The following GIGYF2 variants were observed in gnomAD, a reference collection of about 807,000 sequenced individuals.
The protein encoded by GIGYF2 is GRB10 interacting GYF protein 2, also known as GRB10-interacting GYF protein 2.
A neutral mutation model predicts 208.1 loss-of-function variants in GIGYF2; 25 were observed. The observed-to-expected ratio is 0.12, with a 90% CI of 0.09 to 0.17. GIGYF2 has a LOEUF of 0.17. Ranked by LOEUF, GIGYF2 falls within the 10% of genes least tolerant of loss-of-function variation. The pLI, the probability that GIGYF2 is intolerant of heterozygous loss-of-function variation, is 1.00. For missense variants in GIGYF2, 1,302 were observed against 1,579.4 expected (o/e 0.82, Z 2.98); for synonymous variants, 534 against 543.8 (o/e 0.98, Z 0.25).
At chr2:232,714,566 A>G (rs892040044) in intron 2 of GIGYF2, among the ~76,000 whole-genome samples, 1 of 152,180 alleles carries the variant, frequency 6.6e-6, no homozygotes, top group African/African-American at 2.4e-5. Context: ...TTTTAAGTAT[A>G]CTCATTAAGT....
intron 8 of GIGYF2, among the ~76,000 whole-genome samples, chr2:232,774,008 A>C (rs918626577): frequency 2.0e-5 from 3 of 151,646 alleles, no homozygotes; most frequent in Non-Finnish European, 4.4e-5. Context: ...GGAACCAGGC[A>C]TGGTGACTCA....
Position 232,812,416 on chromosome 2 carries a change from T to C in GIGYF2, c.2032T>C (p.Ser678Pro). The part of the protein sequence containing the change: ...MRISDQNIIP[S>P]VTRSVSVPDT... ...AATATCTGATCAGAACATCATTCCC[T>C]CAGTAACTAGGTCTGTGTCCGTGCC... Residue 678 changes from serine to proline, a missense_variant, in exon 18 of 29, where the codon TCA becomes CCA. By Grantham distance (74) the Ser-to-Pro change is moderately conservative. Transcript: ENST00000373563. The C allele has an allele frequency of 6.7e-7, 1 of 1,492,534 alleles. No individual in the cohort carries two copies. The highest frequency in any genetic ancestry group is 9.4e-7 in the Non-Finnish European group (1 of 1,069,500). The allele number at this position is 1,492,534 out of a possible 1,614,324, so 92.5% of individuals were successfully genotyped here. A position where few individuals can be genotyped will look rare whatever the true frequency, so the allele number is the denominator to read the frequency against.
chr2:232,712,202 T>C (rs1003654096), intron 2 of GIGYF2, among the ~76,000 whole-genome samples: 3 of 152,208 alleles, frequency 2.0e-5, no homozygotes, highest in African/African-American at 4.8e-5. Flanking sequence ...TATCCTAGTC[T>C]GGACACCCAT....
intron 2 of GIGYF2, among the ~76,000 whole-genome samples, chr2:232,710,702 T>C (rs1696352053): frequency 6.6e-6 from 1 of 150,692 alleles, no homozygotes; most frequent in Non-Finnish European, 1.5e-5. Context: ...CTTTTTTTTT[T>C]TTTTTTTTTT....
intron 2 of GIGYF2, among the ~76,000 whole-genome samples, chr2:232,716,827 A>T (rs995968507): frequency 6.6e-6 from 1 of 151,872 alleles, no homozygotes; most frequent in Non-Finnish European, 1.5e-5. Flanking sequence ...TTTTTTTGAT[A>T]CAGGGTCTCA....
chr2:232,811,034 C>T, intron 16 of GIGYF2: 1 of 514,894 alleles, frequency 1.9e-6, no homozygotes, highest in Non-Finnish European at 3.5e-6. Flanking sequence ...CACTCGGAAA[C>T]ACGCCATCTA....
chr2:232,755,970 C>G (rs1320500439), intron 5 of GIGYF2, among the ~76,000 whole-genome samples: 3 of 152,110 alleles, frequency 2.0e-5, no homozygotes, highest in Non-Finnish European at 4.4e-5. Context: ...CTCACCAAAC[C>G]TAGCATAGTG....
At chr2:232,699,971 AC>A (rs1695773907) in intron 1 of GIGYF2, among the ~76,000 whole-genome samples, 1 of 152,158 alleles carries the variant, frequency 6.6e-6, no homozygotes, top group East Asian at 1.9e-4. Flanking sequence ...TTTGCAAAAA[AC>A]ATTTTCTGAT....
chr2:232,855,080 CTTTTTTTTTTTTTTTTT>C, intron 28 of GIGYF2, among the ~76,000 whole-genome samples: 1 of 109,170 alleles, frequency 9.2e-6, no homozygotes, highest in African/African-American at 3.9e-5. Context: ...CTTTTTCTTT[CTTTTTTTTTTTTTTTTT>C]TTTTTTTGAG....
intron 5 of GIGYF2, among the ~76,000 whole-genome samples, chr2:232,750,751 GTGTGTGTGTATGTT>G (rs1698308778): frequency 6.6e-6 from 1 of 151,582 alleles, no homozygotes; most frequent in Admixed American, 6.6e-5. Context: ...GTGTGTGTGT[GTGTGTGTGTATGTT>G]TGTGTGTGTG....
chr2:232,719,428 A>G (rs1456340170), intron 2 of GIGYF2, among the ~76,000 whole-genome samples: 1 of 152,062 alleles, frequency 6.6e-6, no homozygotes, highest in East Asian at 1.9e-4. Context: ...TGGTTCCTCT[A>G]GGCTGTTCCA....
rs779028184 is a variant in GIGYF2 at position 232,796,082 on chromosome 2, T to A, written c.1500T>A (p.Ala500=). ...HLEQQAEKMV[A]YLQDSALDDE... ...ACTAGCAAGCTGAGAAAATGGTGGC[T>A]TATCTCCAAGACAGTGCACTAGATG... Residue 500 remains alanine (A), a synonymous_variant, in exon 14 of 29, where the codon GCT becomes GCA. Transcript: ENST00000373563. 3 of 1,612,150 alleles carry A rather than the reference T, an allele frequency of 1.9e-6. No homozygotes were observed. Among genetic ancestry groups the A allele is most frequent in the Non-Finnish European group, 2.5e-6 (3 of 1,178,240 alleles).
intron 18 of GIGYF2, among the ~76,000 whole-genome samples, chr2:232,814,275 C>T (rs1278834623): frequency 2.6e-5 from 4 of 152,054 alleles, no homozygotes; most frequent in African/African-American, 7.2e-5. Flanking sequence ...AAACTACCTT[C>T]AGGCTGGCTG....
chr2:232,841,365 G>A (rs112081747), intron 23 of GIGYF2, among the ~76,000 whole-genome samples: 14,135 of 151,740 alleles, frequency 0.093, 905 homozygotes, highest in East Asian at 0.17. Flanking sequence ...GCGCGATCTC[G>A]GCTCACTGCA....
intron 14 of GIGYF2, among the ~76,000 whole-genome samples, chr2:232,804,452 GT>G (rs1187885811): frequency 7.2e-6 from 1 of 138,250 alleles, no homozygotes; most frequent in Non-Finnish European, 1.6e-5. Context: ...TTTGTTTTCT[GT>G]TTTTTTGGGT....
At chr2:232,800,727 A>G (rs1285848595) in intron 14 of GIGYF2, among the ~76,000 whole-genome samples, 1 of 151,806 alleles carries the variant, frequency 6.6e-6, no homozygotes, top group Non-Finnish European at 1.5e-5. Context: ...ACACACCACC[A>G]TACTCAGCTA....
chr2:232,777,657 T>G (rs528841739), intron 8 of GIGYF2, among the ~76,000 whole-genome samples: 2 of 147,168 alleles, frequency 1.4e-5, no homozygotes, highest in South Asian at 4.4e-4. Context: ...AATTCCTTCT[T>G]TGTTTTATTA....
At chr2:232,784,465 C>T (rs1436326679) in intron 8 of GIGYF2, among the ~76,000 whole-genome samples, 1 of 138,232 alleles carries the variant, frequency 7.2e-6, no homozygotes, top group African/African-American at 2.7e-5. Flanking sequence ...TCTGGGCTCA[C>T]TGCAAGCTCC....
intron 14 of GIGYF2, among the ~76,000 whole-genome samples, chr2:232,804,987 A>G (rs1328117854): frequency 5.3e-5 from 8 of 150,396 alleles, no homozygotes; most frequent in South Asian, 4.2e-4. Flanking sequence ...TTTTATTTCC[A>G]TAGGTTTTTG....
Sources: gnomAD v4.1 joint callset for allele counts (sites outside exome capture counted in the v4.1 genomes callset) on GRCh38, gnomAD v4.1.1 for gene constraint, MANE v1.5 for transcripts, NCBI Gene and HGNC (gene_info 2026-07-23, HGNC 2026-07-21) for gene names.